Variants in CHN2 observed in about 807,000 individuals in gnomAD.
The protein encoded by CHN2 is chimerin 2.
In CHN2, 35 loss-of-function variants were observed where a neutral mutation model predicts 56.3. The observed-to-expected ratio is 0.62, with a 90% CI of 0.47 to 0.82. The LOEUF (loss-of-function observed/expected upper bound fraction) is 0.82. Ranked by LOEUF, CHN2 falls within the 40% of genes least tolerant of loss-of-function variation. The pLI, the probability that CHN2 is intolerant of heterozygous loss-of-function variation, is 0.00. For synonymous variants in CHN2, 210 were observed against 212.8 expected (o/e 0.99, Z 0.12); for missense variants, 491 against 580.5 (o/e 0.85, Z 1.58).
chr7:29,423,051 T>C (rs1296376072), intron 6 of CHN2, among the ~76,000 whole-genome samples: 1 of 152,226 alleles, frequency 6.6e-6, no homozygotes, highest in Non-Finnish European at 1.5e-5. Context: ...GTACCAAACC[T>C]TGCCTATCAA....
intron 2 of CHN2, chr7:29,147,410 CAG>C (rs752239408): frequency 1.3e-4 from 20 of 158,630 alleles, no homozygotes; most frequent in South Asian, 2.0e-4. Flanking sequence ...ACCCGACAGT[CAG>C]GGGGAAAAAT....
At chr7:29,490,432 T>C (rs559280494) in intron 7 of CHN2, among the ~76,000 whole-genome samples, 69 of 152,348 alleles carry the variant, frequency 4.5e-4, no homozygotes, top group African/African-American at 1.7e-3. Flanking sequence ...CTGTTTATTC[T>C]TGTAGATAAT....
chr7:29,496,517 A>G (rs1006311744), intron 8 of CHN2, among the ~76,000 whole-genome samples: 15 of 142,034 alleles, frequency 1.1e-4, no homozygotes, highest in African/African-American at 3.8e-4. Context: ...ATCCTCCATT[A>G]AAAAAAAAAA....
chr7:29,278,804 C>G (rs1264568087), intron 1 of CHN2, among the ~76,000 whole-genome samples: 3 of 152,186 alleles, frequency 2.0e-5, no homozygotes, highest in Non-Finnish European at 4.4e-5. Context: ...TAGCCCTCCC[C>G]CATAAGGAGT....
chr7:29,241,239 A>G (rs913702989), intron 1 of CHN2, among the ~76,000 whole-genome samples: 1 of 152,128 alleles, frequency 6.6e-6, no homozygotes, highest in Non-Finnish European at 1.5e-5. Context: ...ATGGCCATGA[A>G]AATTCAGGCT....
At chr7:29,460,892 T>C (rs551437032) in intron 6 of CHN2, among the ~76,000 whole-genome samples, 1 of 152,234 alleles carries the variant, frequency 6.6e-6, no homozygotes, top group African/African-American at 2.4e-5. Context: ...CACCCGCTTC[T>C]CTGGGCCTCA....
At chr7:29,507,522 C>T (rs1426047812) in intron 11 of CHN2, among the ~76,000 whole-genome samples, 157 bp downstream of exon 11, 1 of 152,196 alleles carries the variant, frequency 6.6e-6, no homozygotes, top group Non-Finnish European at 1.5e-5. Flanking sequence ...AGGCATAGTT[C>T]AACAGCTGAG....
rs149068937 is a variant in CHN2 at position 29,481,823 on chromosome 7, T to C, written c.654+1467T>C. Among the ~76,000 whole-genome samples, 861 of 152,266 alleles carry C rather than the reference T, an allele frequency of 5.7e-3. 11 individuals are homozygous for C. Among genetic ancestry groups the C allele is most frequent in the African/African-American group, 0.02 (814 of 41,542 alleles). ...TGGATCTTCATGGACTTGTAAATTC[T>C]TTTTCTTCCTCTTGAAAATTCCAAT... On this transcript the variant is annotated intron_variant, in intron 7 of 12. Coordinates refer to ENST00000222792, the MANE Select transcript of CHN2 (RefSeq NM_004067.4).
chr7:29,394,075 C>T (rs1294545509), intron 4 of CHN2, among the ~76,000 whole-genome samples: 1 of 152,112 alleles, frequency 6.6e-6, no homozygotes, highest in African/African-American at 2.4e-5. Flanking sequence ...CAAGATGGTA[C>T]ACTGTATGTG....
chr7:29,480,281 C>A lies in CHN2; in HGVS notation c.579C>A (p.Ile193=). 6.2e-7 allele frequency: 1 copy of A among 1,614,046 alleles called. No individual in the cohort carries two copies. The highest frequency in any genetic ancestry group is 8.5e-7 in the Non-Finnish European group (1 of 1,179,896). The change falls in exon 7 of 13, where the codon ATC becomes ATA. Residue 193 remains isoleucine (I), a splice_region_variant and synonymous_variant. Coordinates refer to ENST00000222792, the MANE Select transcript of CHN2 (RefSeq NM_004067.4). ...THEEHTAVEK[I]SSLVRRAALT... is the part of the protein sequence containing the mutation. ...TCAAACTCTTTGCCTGTTCACAGAT[C>A]TCCTCCCTGGTTCGAAGGGCTGCCC...
chr7:29,445,042 C>T, intron 6 of CHN2: 1 of 442,392 alleles, frequency 2.3e-6, no homozygotes, highest in South Asian at 1.6e-5. Context: ...AGAGGCTACG[C>T]AAAATTCTCT....
intron 2 of CHN2, among the ~76,000 whole-genome samples, chr7:29,363,961 C>T (rs1300063395): frequency 6.6e-6 from 1 of 152,024 alleles, no homozygotes; most frequent in African/African-American, 2.4e-5. Context: ...TGTTTGAACC[C>T]AGGAGTTTGA....
chr7:29,388,808 A>G (rs977107223), intron 3 of CHN2, among the ~76,000 whole-genome samples: 3 of 152,260 alleles, frequency 2.0e-5, no homozygotes, highest in Non-Finnish European at 1.5e-5. Context: ...GGCTGAAAAC[A>G]TAACATTCGC....
chr7:29,197,960 G>A (rs1385216714), intron 1 of CHN2: 1 of 456,168 alleles, frequency 2.2e-6, no homozygotes, highest in Admixed American at 2.3e-5. Context: ...AGAGAGAAGA[G>A]CTTAGGTAAA....
chr7:29,314,733 G>A (rs1794838705), intron 1 of CHN2, among the ~76,000 whole-genome samples: 1 of 152,076 alleles, frequency 6.6e-6, no homozygotes, highest in Non-Finnish European at 1.5e-5. Context: ...GATAGGTAGG[G>A]ATCCAAAGTG....
At chr7:29,462,968 A>G (rs538293215) in intron 6 of CHN2, among the ~76,000 whole-genome samples, 1 of 134,952 alleles carries the variant, frequency 7.4e-6, no homozygotes, top group South Asian at 2.4e-4. Context: ...CGGGTTCCCA[A>G]GGAAGAGACC....
intron 1 of CHN2, among the ~76,000 whole-genome samples, chr7:29,245,316 G>A (rs1201361716): frequency 2.0e-5 from 3 of 152,280 alleles, no homozygotes; most frequent in South Asian, 2.1e-4. Flanking sequence ...CTAACAAAAG[G>A]TAGTGAACAT....
chr7:29,341,748 A>C (rs1039032956), intron 1 of CHN2, among the ~76,000 whole-genome samples: 1 of 152,238 alleles, frequency 6.6e-6, no homozygotes, highest in African/African-American at 2.4e-5. Flanking sequence ...ACCATGTTCT[A>C]TCATTGAAGC....
At chr7:29,387,284 C>A (rs1462035617) in intron 3 of CHN2, among the ~76,000 whole-genome samples, 1 of 152,074 alleles carries the variant, frequency 6.6e-6, no homozygotes, top group Non-Finnish European at 1.5e-5. Context: ...TTTTATAACC[C>A]CAGTTTTACT....
Sources: gnomAD v4.1 joint callset for allele counts (sites outside exome capture counted in the v4.1 genomes callset) on GRCh38, gnomAD v4.1.1 for gene constraint, MANE v1.5 for transcripts, NCBI Gene and HGNC (gene_info 2026-07-23, HGNC 2026-07-21) for gene names.